Variants in ERBB4 observed in about 807,000 individuals in gnomAD.
ERBB4 encodes the protein receptor tyrosine-protein kinase erbB-4.
A neutral mutation model predicts 158.0 loss-of-function variants in ERBB4; 42 were observed. The ratio of observed to expected loss-of-function variants is 0.27; its 90% CI spans 0.21 to 0.34. ERBB4 has a LOEUF of 0.34. Ranked by LOEUF, ERBB4 falls within the 10% of genes least tolerant of loss-of-function variation. The pLI is 1.00. For missense variants in ERBB4, 1,333 were observed against 1,624.1 expected, an observed-to-expected ratio of 0.82 and a Z score of 3.08; for synonymous variants, 583 against 558.7, an observed-to-expected ratio of 1.04 and a Z score of -0.61.
intron 2 of ERBB4, among the ~76,000 whole-genome samples, chr2:212,062,707 C>T (rs2077818498): frequency 6.6e-6 from 1 of 152,048 alleles, no homozygotes; most frequent in Admixed American, 6.6e-5. Context: ...TCCCAGCCCT[C>T]AATTCTTTAA....
intron 1 of ERBB4, among the ~76,000 whole-genome samples, chr2:212,151,249 A>G (rs921738650): frequency 7.9e-5 from 12 of 151,206 alleles, no homozygotes; most frequent in Non-Finnish European, 2.9e-5. Context: ...TTAGCTGTAG[A>G]ATTAAATATA....
At chr2:212,173,464 C>T (rs1575746514) in intron 1 of ERBB4, among the ~76,000 whole-genome samples, 2 of 152,198 alleles carry the variant, frequency 1.3e-5, no homozygotes, top group Non-Finnish European at 2.9e-5. Flanking sequence ...CCCAGTGAAC[C>T]AGTGGAAAGG....
rs145180519 is a variant in ERBB4, at chr2:211,585,117, C to T, written c.2302-23029G>A. Among the ~76,000 whole-genome samples the T allele has an allele frequency of 2.6e-3, 390 of 152,222 alleles. 10 individuals carry two copies. In the East Asian group the frequency reaches 0.045, roughly 17 times the overall value. ...CCTGTAATCCCAGCACTTTAGGAGG[C>T]CGAGGCGGGCGGATCACGAAGTCAG... is the stretch of plus-strand genomic sequence containing the variant. On this transcript the variant is annotated intron_variant, in intron 19 of 27. Coordinates refer to ENST00000342788, the MANE Select transcript of ERBB4 (RefSeq NM_005235.3).
At chr2:211,537,128 A>T (rs1436622144) in intron 20 of ERBB4, among the ~76,000 whole-genome samples, 2 of 151,992 alleles carry the variant, frequency 1.3e-5, no homozygotes, top group Non-Finnish European at 1.5e-5. Flanking sequence ...TTAAAATTTT[A>T]AAAAATCAAT....
chr2:211,584,525 C>T (rs931227205), intron 19 of ERBB4, among the ~76,000 whole-genome samples: 3 of 151,728 alleles, frequency 2.0e-5, no homozygotes, highest in Admixed American at 2.0e-4. Context: ...TTTCTTGATC[C>T]GTGAAAAGAG....
intron 3 of ERBB4, among the ~76,000 whole-genome samples, chr2:211,921,890 T>C (rs184702523): frequency 2.4e-4 from 37 of 152,266 alleles, no homozygotes; most frequent in African/African-American, 8.9e-4. Flanking sequence ...AAGGTACATG[T>C]TATTTTAATA....
chr2:211,462,520 G>T (rs1229990689), intron 20 of ERBB4, among the ~76,000 whole-genome samples: 4 of 152,080 alleles, frequency 2.6e-5, no homozygotes, highest in African/African-American at 9.7e-5. Context: ...ATAGCAACTC[G>T]CAGAAAGACA....
At chr2:211,851,828 T>A (rs1161164792) in intron 3 of ERBB4, among the ~76,000 whole-genome samples, 1 of 151,812 alleles carries the variant, frequency 6.6e-6, no homozygotes, top group Non-Finnish European at 1.5e-5. Context: ...TTCTCAAGAA[T>A]TTTTTTAATC....
intron 2 of ERBB4, among the ~76,000 whole-genome samples, chr2:212,000,081 T>C (rs2076069852): frequency 1.3e-5 from 2 of 151,818 alleles, no homozygotes; most frequent in African/African-American, 2.4e-5. Flanking sequence ...AAGGAAGATT[T>C]TATAACCTCA....
At chr2:212,214,267 C>T (rs9973855) in intron 1 of ERBB4, among the ~76,000 whole-genome samples, 78,886 of 151,506 alleles carry the variant, frequency 0.52, 20,921 homozygotes, top group East Asian at 0.77. Context: ...GACCAACAGG[C>T]ACCTGTGGCT....
intron 3 of ERBB4, among the ~76,000 whole-genome samples, chr2:211,819,426 G>A (rs1274063387): frequency 3.9e-5 from 6 of 151,986 alleles, no homozygotes; most frequent in Non-Finnish European, 8.8e-5. Context: ...CTGCCAAGGG[G>A]AAATAGTAAA....
chr2:212,300,602 C>T (rs1032415283), intron 1 of ERBB4, among the ~76,000 whole-genome samples: 2 of 151,318 alleles, frequency 1.3e-5, no homozygotes, highest in Non-Finnish European at 3.0e-5. Context: ...AGCAGTAAAT[C>T]GAGATGTGAT....
intron 19 of ERBB4, among the ~76,000 whole-genome samples, chr2:211,575,465 AC>A (rs2125755369): frequency 1.3e-5 from 2 of 152,312 alleles, no homozygotes; most frequent in Non-Finnish European, 2.9e-5. Flanking sequence ...TATTTTTGAA[AC>A]TTAAATTTGA....
At chr2:212,068,995 C>T (rs2078028376) in intron 2 of ERBB4, among the ~76,000 whole-genome samples, 1 of 152,050 alleles carries the variant, frequency 6.6e-6, no homozygotes, top group African/African-American at 2.4e-5. Flanking sequence ...CTCTTGCCTG[C>T]CACCATGTAA....
chr2:212,201,495 C>A (rs376781615), intron 1 of ERBB4, among the ~76,000 whole-genome samples: 1 of 151,830 alleles, frequency 6.6e-6, no homozygotes, highest in Non-Finnish European at 1.5e-5. Context: ...TTGCTTTAAT[C>A]GATAAATATT....
intron 20 of ERBB4, among the ~76,000 whole-genome samples, chr2:211,468,398 A>G (rs966891437): frequency 6.6e-6 from 1 of 152,156 alleles, no homozygotes. Context: ...GACTATGCCA[A>G]CCCATCCAGG....
chr2:211,692,662 C>T (rs374155303), intron 12 of ERBB4, among the ~76,000 whole-genome samples: 30 of 152,208 alleles, frequency 2.0e-4, no homozygotes, highest in African/African-American at 6.3e-4. Flanking sequence ...TTTTCCTTTA[C>T]GGTAGTCAAA....
chr2:211,427,683 A>G (rs902662915), intron 22 of ERBB4, among the ~76,000 whole-genome samples: 9 of 152,142 alleles, frequency 5.9e-5, no homozygotes, highest in African/African-American at 1.9e-4. Context: ...GTTTTCTACT[A>G]TAGAACATAA....
intron 20 of ERBB4, among the ~76,000 whole-genome samples, chr2:211,476,015 G>T (rs13030346): frequency 6.6e-6 from 1 of 151,716 alleles, no homozygotes; most frequent in African/African-American, 2.4e-5. Context: ...AAAATATTAC[G>T]ATCACCATAA....
Sources: allele counts gnomAD v4.1 joint callset (sites outside exome capture counted in the v4.1 genomes callset), GRCh38; gene constraint gnomAD v4.1.1; transcripts MANE v1.5; gene names NCBI Gene and HGNC (gene_info 2026-07-23, HGNC 2026-07-21).